LCE2D: variants seen among roughly 807,000 people sequenced by gnomAD.
LCE2D encodes the protein late cornified envelope protein 2D.
For synonymous variants in LCE2D, 55 were observed against 51.3 expected, an observed-to-expected ratio of 1.07 and a Z score of -0.31; for missense variants, 161 against 142.9, an observed-to-expected ratio of 1.13 and a Z score of -0.65.
Position 152,664,587 on chromosome 1 carries a change from A to G in LCE2D, c.*149A>G. The G allele has an allele frequency of 2.6e-6, 3 of 1,144,922 alleles. No homozygotes were observed. The highest frequency in any genetic ancestry group is 3.7e-6 in the Non-Finnish European group (3 of 819,698). The allele number at this position is 1,144,922 out of a possible 1,614,324, so 70.9% of individuals were successfully genotyped here. A position where few individuals can be genotyped will look rare whatever the true frequency, so the allele number is the denominator to read the frequency against. On this transcript the variant is annotated 3_prime_UTR_variant, in exon 2 of 2. Coordinates refer to ENST00000368784, the MANE Select transcript of LCE2D (RefSeq NM_178430.4). ...TTCCCCAGAACTTTGTGCTTGATGG[A>G]GCACCCCAGATGGAAGCCTTCTTTT...
intron 1 of LCE2D, among the ~76,000 whole-genome samples, 176 bp from the exon 2 acceptor site, chr1:152,663,909 T>C (rs1047281642): frequency 8.5e-5 from 13 of 152,220 alleles, no homozygotes; most frequent in African/African-American, 2.9e-4. Flanking sequence ...ATTCTGTTGA[T>C]TTTTTAATCT....
In LCE2D at chr1:152,664,140, C is replaced by G; in HGVS notation, c.35C>G (p.Pro12Arg). The G allele has an allele frequency of 1.2e-6, 2 of 1,614,158 alleles. No homozygotes were observed. Among genetic ancestry groups the G allele is most frequent in the Non-Finnish European group, 1.7e-6 (2 of 1,180,028 alleles). The change falls in exon 2 of 2, where the codon CCC becomes CGC. Residue 12 changes from proline (P) to arginine (R), a missense_variant. Physicochemically the swap from Pro to Arg is moderately radical, Grantham distance 103 (BLOSUM62 -2). Coordinates refer to ENST00000368784, the MANE Select transcript of LCE2D (RefSeq NM_178430.4). Reference protein sequence around the residue: ...SCQQNQQQCQPPPKCPPKCTP... With the variant: ...SCQQNQQQCQRPPKCPPKCTP... Reference sequence around the variant, plus strand: ...CAGCAAAACCAGCAGCAGTGCCAGCCCCCTCCCAAATGTCCTCCCAAGTGT... The same window carrying G: ...CAGCAAAACCAGCAGCAGTGCCAGCGCCCTCCCAAATGTCCTCCCAAGTGT...
rs201058957 is a variant in LCE2D, at chr1:152,664,401, C to G, written c.296C>G (p.Ala99Gly). 54 of 1,606,776 alleles carry G rather than the reference C, an allele frequency of 3.4e-5. No homozygotes were observed. Among genetic ancestry groups the G allele is most frequent in the Admixed American group, 5.0e-5 (3 of 59,696 alleles). The change falls in exon 2 of 2, where the codon GCC (alanine) becomes GGC (glycine). Residue 99 changes from alanine (A) to glycine (G), a missense_variant. Physicochemically the swap from Ala to Gly is moderately conservative, Grantham distance 60. Transcript: ENST00000368784. Reference protein sequence around the residue: ...PDCCESEPSGASGCCHSSGGC... With the variant: ...PDCCESEPSGGSGCCHSSGGC... Reference sequence around the variant, plus strand: ...TGCTGTGAGAGTGAACCTTCTGGGGCCTCTGGCTGCTGCCACAGCTCTGGG... The same window carrying G: ...TGCTGTGAGAGTGAACCTTCTGGGGGCTCTGGCTGCTGCCACAGCTCTGGG...
In LCE2D at chr1:152,664,427, G is replaced by T; in HGVS notation, c.322G>T (p.Gly108Cys). 1 of 1,612,382 alleles carries T rather than the reference G, an allele frequency of 6.2e-7. No homozygotes were observed. The highest frequency in any genetic ancestry group is 1.1e-5 in the South Asian group (1 of 90,834). Reference sequence around the variant, plus strand: ...CTCTGGCTGCTGCCACAGCTCTGGGGGCTGCTGCTGACCTGGGCTGCAGAA... The same window carrying T: ...CTCTGGCTGCTGCCACAGCTCTGGGTGCTGCTGCTGACCTGGGCTGCAGAA... ...GASGCCHSSG[G>C]CC Residue 108 changes from glycine (G) to cysteine (C), a missense_variant, in exon 2 of 2, where the codon GGC becomes TGC. By Grantham distance (159) the Gly-to-Cys change is radical. Transcript: ENST00000368784.
chr1:152,664,053 A>T, intron 1 of LCE2D, 32 bp from the exon 2 acceptor site: 1 of 1,593,456 alleles, frequency 6.3e-7, no homozygotes, highest in African/African-American at 1.3e-5. Context: ...TTTGGTTTGA[A>T]ATATTTAAAG....
Position 152,663,397 on chromosome 1 carries a change from A to C in LCE2D, c.-54A>C, listed in dbSNP as rs1339224662. On this transcript the variant is annotated 5_prime_UTR_variant, in exon 1 of 2. Coordinates refer to ENST00000368784, the MANE Select transcript of LCE2D (RefSeq NM_178430.4). Reference sequence around the variant, plus strand: ...AGCACCTCATCTGCTCTGACTCCCCAGGGACGTGTCTGTGCTTTTGCATGT... The same window carrying C: ...AGCACCTCATCTGCTCTGACTCCCCCGGGACGTGTCTGTGCTTTTGCATGT... The C allele has an allele frequency of 6.6e-6, 1 of 152,502 alleles. No homozygotes were observed. The highest frequency in any genetic ancestry group is 1.5e-5 in the Non-Finnish European group (1 of 68,276). The allele number at this position is 152,502 out of a possible 1,614,324, so 9.4% of individuals were successfully genotyped here.
At position 152,664,400 on chromosome 1, in the gene LCE2D, G is replaced by A. The variant is rs777298681; in HGVS notation, c.295G>A (p.Ala99Thr). Residue 99 changes from alanine to threonine, a missense_variant, in exon 2 of 2, where the codon GCC becomes ACC. Physicochemically the swap from Ala to Thr is moderately conservative, Grantham distance 58. Coordinates refer to ENST00000368784, the MANE Select transcript of LCE2D (RefSeq NM_178430.4). ...TTGCTGTGAGAGTGAACCTTCTGGG[G>A]CCTCTGGCTGCTGCCACAGCTCTGG... ...PDCCESEPSG[A>T]SGCCHSSGGC... 3.1e-6 allele frequency: 5 copies of A among 1,607,356 alleles called. No individual in the cohort carries two copies. The East Asian group carries it at 8.9e-5, about 29-fold the overall frequency.
Position 152,664,443 on chromosome 1 carries a change from G to A in LCE2D, c.*5G>A. On this transcript the variant is annotated 3_prime_UTR_variant, in exon 2 of 2. Transcript: ENST00000368784. Reference sequence around the variant, plus strand: ...AGCTCTGGGGGCTGCTGCTGACCTGGGCTGCAGAAGAGCTCTGGTACTGAA... The same window carrying A: ...AGCTCTGGGGGCTGCTGCTGACCTGAGCTGCAGAAGAGCTCTGGTACTGAA... 1 of 1,608,530 alleles carries A rather than the reference G, an allele frequency of 6.2e-7. No homozygotes were observed. Among genetic ancestry groups the A allele is most frequent in the Non-Finnish European group, 8.5e-7 (1 of 1,177,572 alleles).
At position 152,664,468 on chromosome 1, in the gene LCE2D, A is replaced by C; in HGVS notation, c.*30A>C. 1 of 1,582,360 alleles carries C rather than the reference A, an allele frequency of 6.3e-7. No homozygotes were observed. The highest frequency in any genetic ancestry group is 8.6e-7 in the Non-Finnish European group (1 of 1,166,752). On this transcript the variant is annotated 3_prime_UTR_variant, in exon 2 of 2. Coordinates refer to ENST00000368784, the MANE Select transcript of LCE2D (RefSeq NM_178430.4). ...GGCTGCAGAAGAGCTCTGGTACTGA[A>C]TGGTCAAAAACCTGCTACAGCCTGA...
Position 152,664,631 on chromosome 1 carries a change from G to A in LCE2D, c.*193G>A. 2 of 693,342 alleles carry A rather than the reference G, an allele frequency of 2.9e-6. No individual in the cohort carries two copies. The highest frequency in any genetic ancestry group is 3.3e-5 in the Admixed American group (1 of 30,730). The allele number at this position is 693,342 out of a possible 1,614,324, so 42.9% of individuals were successfully genotyped here. A position where few individuals can be genotyped will look rare whatever the true frequency, so the allele number is the denominator to read the frequency against. ...TTCTTTTTCTCCTTTACCTCATATT[G>A]TAATAAAGCTCTGATTTCTGACTCT... On this transcript the variant is annotated 3_prime_UTR_variant, in exon 2 of 2. Transcript: ENST00000368784.
intron 1 of LCE2D, 30 bp from the exon 2 acceptor site, chr1:152,664,055 T>C: frequency 2.5e-6 from 4 of 1,595,616 alleles, no homozygotes; most frequent in Non-Finnish European, 3.4e-6. Flanking sequence ...TGGTTTGAAA[T>C]ATTTAAAGAG....
chr1:152,664,642 C>T lies in LCE2D; in HGVS notation c.*204C>T. ...CTTTACCTCATATTGTAATAAAGCTCTGATTTCTGACTCTTTAAATGTCTT... is the reference window on the plus strand; with the variant it reads ...CTTTACCTCATATTGTAATAAAGCTTTGATTTCTGACTCTTTAAATGTCTT... On this transcript the variant is annotated 3_prime_UTR_variant, in exon 2 of 2. Transcript: ENST00000368784. The T allele has an allele frequency of 1.5e-6, 1 of 663,544 alleles. No individual in the cohort carries two copies. Among genetic ancestry groups the T allele is most frequent in the South Asian group, 2.6e-5 (1 of 38,050 alleles). 41.1% of individuals were successfully genotyped at this position (663,544 alleles called of 1,614,324 possible). A position where few individuals can be genotyped will look rare whatever the true frequency, so the allele number is the denominator to read the frequency against.
Position 152,664,287 on chromosome 1 carries a change from G to A in LCE2D, c.182G>A (p.Gly61Glu). Residue 61 changes from glycine to glutamate, a missense_variant, in exon 2 of 2, where the codon GGG becomes GAG. Physicochemically the swap from Gly to Glu is moderately conservative, Grantham distance 98 (BLOSUM62 -2). Transcript: ENST00000368784. ...GGGAGCTGCTGTGGTCCCAGCTCTG[G>A]GGGCTGCTGCAGCTCTGGGGGTGGT... ...SSGSCCGPSS[G>E]GCCSSGGGGC... is the part of the protein sequence containing the mutation. 6.2e-7 allele frequency: 1 copy of A among 1,614,094 alleles called. No individual in the cohort carries two copies. The highest frequency in any genetic ancestry group is 8.5e-7 in the Non-Finnish European group (1 of 1,180,012).
rs758503609 is a variant in LCE2D, at chr1:152,664,168, C to T, written c.63C>T (p.Thr21=). The T allele has an allele frequency of 1.9e-6, 3 of 1,614,056 alleles. No individual in the cohort carries two copies. Among genetic ancestry groups the T allele is most frequent in the African/African-American group, 1.3e-5 (1 of 74,920 alleles). The change falls in exon 2 of 2, where the codon ACC becomes ACT. Residue 21 remains threonine (T), a synonymous_variant. Transcript: ENST00000368784. Reference sequence around the variant, plus strand: ...CTCCCAAATGTCCTCCCAAGTGTACCCCAAAATGTCCACCTAAGTGTCCCC... The same window carrying T: ...CTCCCAAATGTCCTCCCAAGTGTACTCCAAAATGTCCACCTAAGTGTCCCC... The part of the protein sequence containing the change: ...QPPPKCPPKC[T]PKCPPKCPPK...
chr1:152,664,650 T>G lies in LCE2D; in HGVS notation c.*212T>G, dbSNP rs190616468. On this transcript the variant is annotated 3_prime_UTR_variant, in exon 2 of 2. Coordinates refer to ENST00000368784, the MANE Select transcript of LCE2D (RefSeq NM_178430.4). ...CATATTGTAATAAAGCTCTGATTTC[T>G]GACTCTTTAAATGTCTTGGTCATAC... The G allele has an allele frequency of 2.0e-4, 129 of 646,466 alleles. No homozygotes were observed. Among genetic ancestry groups the G allele is most frequent in the African/African-American group, 2.0e-3 (108 of 54,602 alleles). 40.0% of individuals were successfully genotyped at this position (646,466 alleles called of 1,614,324 possible).
intron 1 of LCE2D, among the ~76,000 whole-genome samples, 184 bp from the exon 2 acceptor site, chr1:152,663,901 T>C (rs1203700493): frequency 1.3e-5 from 2 of 152,144 alleles, no homozygotes; most frequent in Non-Finnish European, 1.5e-5. Context: ...TGAAGCTCAT[T>C]CTGTTGATTT....
rs759523219 is a variant in LCE2D at position 152,664,482 on chromosome 1, G to A, written c.*44G>A. On this transcript the variant is annotated 3_prime_UTR_variant, in exon 2 of 2. Transcript: ENST00000368784. Reference sequence around the variant, plus strand: ...TCTGGTACTGAATGGTCAAAAACCTGCTACAGCCTGATGCTTAACTATTTC... The same window carrying A: ...TCTGGTACTGAATGGTCAAAAACCTACTACAGCCTGATGCTTAACTATTTC... The A allele has an allele frequency of 6.4e-7, 1 of 1,558,636 alleles. No individual in the cohort carries two copies. The highest frequency in any genetic ancestry group is 1.2e-5 in the South Asian group (1 of 80,700).
chr1:152,664,326 G>A lies in LCE2D; in HGVS notation c.221G>A (p.Ser74Asn). 3 of 1,613,738 alleles carry A rather than the reference G, an allele frequency of 1.9e-6. No homozygotes were observed. The South Asian group carries it at 3.3e-5, about 18-fold the overall frequency. ...TCTGGGGGTGGTGGCTGCTGCCTGA[G>A]CCACCACAGGCCCCGTCTCTTCCAC... The part of the protein sequence containing the change: ...CSSGGGGCCL[S>N]HHRPRLFHRR... The change falls in exon 2 of 2, where the codon AGC becomes AAC. Residue 74 changes from serine to asparagine, a missense_variant. Transcript: ENST00000368784.
chr1:152,663,953 T>C (rs892233803), intron 1 of LCE2D, 132 bp from the exon 2 acceptor site: 3 of 1,023,914 alleles, frequency 2.9e-6, no homozygotes, highest in Non-Finnish European at 4.2e-6. Context: ...ATTCAAGTTG[T>C]TTCTTTCAGG....
Sources: allele counts gnomAD v4.1 joint callset (sites outside exome capture counted in the v4.1 genomes callset), GRCh38; gene constraint gnomAD v4.1.1; transcripts MANE v1.5; gene names NCBI Gene and HGNC (gene_info 2026-07-23, HGNC 2026-07-21).